Variants in OR6N1 observed in about 807,000 individuals in gnomAD.
OR6N1 encodes olfactory receptor 6N1.
For missense variants in OR6N1, 394 were observed against 371.7 expected (o/e 1.06, Z -0.49); for synonymous variants, 170 against 150.7 (o/e 1.13, Z -0.94).
At chr1:158,817,751 G>T in the OR6N1 span, among the ~76,000 whole-genome samples, 1 of 152,204 alleles carries the variant, frequency 6.6e-6, no homozygotes, top group Non-Finnish European at 1.5e-5. Flanking sequence ...CCCAAGGAAA[G>T]AGGCAGCAAC....
chr1:158,768,471 G>A (rs1657332883), intron 1 of OR6N1, among the ~76,000 whole-genome samples: 1 of 152,216 alleles, frequency 6.6e-6, no homozygotes, highest in East Asian at 1.9e-4. Context: ...TCCAGGAACT[G>A]ACTATGTTTG....
chr1:158,777,483 C>T, the OR6N1 span: 87 of 1,614,006 alleles, frequency 5.4e-5, no homozygotes, highest in Non-Finnish European at 7.1e-5. Context: ...GAGCTGCATC[C>T]AGTCGGATGA....
At chr1:158,831,312 T>G in the OR6N1 span, 1 of 152,206 alleles carries the variant, frequency 6.6e-6, no homozygotes, top group African/African-American at 2.4e-5. Context: ...CAAAATTGTT[T>G]CATGATTACA....
chr1:158,802,308 A>G, the OR6N1 span, among the ~76,000 whole-genome samples: 1 of 149,916 alleles, frequency 6.7e-6, no homozygotes, highest in African/African-American at 2.5e-5. Context: ...TCCAGGTTCA[A>G]GCGATTCTCC....
At chr1:158,829,009 C>T in the OR6N1 span, among the ~76,000 whole-genome samples, 1 of 152,204 alleles carries the variant, frequency 6.6e-6, no homozygotes, top group Non-Finnish European at 1.5e-5. Flanking sequence ...GCTGAAGTGG[C>T]TGGGATGTAG....
intron 1 of OR6N1, among the ~76,000 whole-genome samples, chr1:158,770,848 C>T (rs530246977): frequency 1.3e-5 from 2 of 152,308 alleles, no homozygotes; most frequent in Admixed American, 6.5e-5. Context: ...TGGAAGCTTC[C>T]TGACCCATAA....
At chr1:158,819,635 T>C in the OR6N1 span, among the ~76,000 whole-genome samples, 1 of 152,174 alleles carries the variant, frequency 6.6e-6, no homozygotes, top group Non-Finnish European at 1.5e-5. Context: ...AAAAAAGGTG[T>C]TGCCATACTT....
the OR6N1 span, among the ~76,000 whole-genome samples, chr1:158,839,730 G>C: frequency 6.6e-6 from 1 of 152,260 alleles, no homozygotes; most frequent in South Asian, 2.1e-4. Context: ...AAAACACCTA[G>C]AAGTTTTCCA....
chr1:158,808,954 G>C, the OR6N1 span: 1 of 152,996 alleles, frequency 6.5e-6, no homozygotes. Flanking sequence ...AGTGGAGTGG[G>C]TGGCAGATGA....
At chr1:158,788,715 GT>G in the OR6N1 span, among the ~76,000 whole-genome samples, 2 of 152,022 alleles carry the variant, frequency 1.3e-5, no homozygotes, top group African/African-American at 2.4e-5. Flanking sequence ...CTAGGTTAAT[GT>G]TTACTACAGT....
chr1:158,833,685 A>C, the OR6N1 span, among the ~76,000 whole-genome samples: 1 of 152,326 alleles, frequency 6.6e-6, no homozygotes, highest in African/African-American at 2.4e-5. Context: ...GGGTAGAATA[A>C]TATTCCATTT....
intron 1 of OR6N1, among the ~76,000 whole-genome samples, chr1:158,770,126 T>G (rs1657388026): frequency 6.6e-6 from 1 of 151,878 alleles, no homozygotes; most frequent in African/African-American, 2.4e-5. Context: ...TTAACTAAAT[T>G]TTCAGATCTA....
the OR6N1 span, among the ~76,000 whole-genome samples, chr1:158,819,212 T>C: frequency 6.6e-6 from 1 of 152,188 alleles, no homozygotes; most frequent in Non-Finnish European, 1.5e-5. Flanking sequence ...TTAATGCTAA[T>C]TGGGAACATG....
At chr1:158,813,754 A>G in the OR6N1 span, among the ~76,000 whole-genome samples, 14,501 of 141,068 alleles carry the variant, frequency 0.1, 754 homozygotes, top group East Asian at 0.12. Flanking sequence ...CCAGGCTGGA[A>G]TGCAATGGCA....
At chr1:158,822,758 G>A in the OR6N1 span, among the ~76,000 whole-genome samples, 1 of 152,184 alleles carries the variant, frequency 6.6e-6, no homozygotes, top group Non-Finnish European at 1.5e-5. Flanking sequence ...AAATAGGAGT[G>A]GTGAGAGAGG....
At chr1:158,815,284 T>C in the OR6N1 span, among the ~76,000 whole-genome samples, 2 of 152,150 alleles carry the variant, frequency 1.3e-5, no homozygotes, top group Admixed American at 1.3e-4. Context: ...TGAGTTGTTA[T>C]ATAACTACTT....
upstream of OR6N1, chr1:158,776,643 G>GA (rs1162275361): frequency 1.6e-6 from 2 of 1,236,038 alleles, no homozygotes; most frequent in South Asian, 2.9e-5. Flanking sequence ...GAACTTTTAT[G>GA]AATTGAACAT....
At chr1:158,784,985 A>C in the OR6N1 span, among the ~76,000 whole-genome samples, 249 of 152,292 alleles carry the variant, frequency 1.6e-3, 1 homozygote, top group Non-Finnish European at 2.7e-3. Flanking sequence ...AATCAACCTA[A>C]GTTTCCATCA....
the OR6N1 span, among the ~76,000 whole-genome samples, chr1:158,835,809 G>A: frequency 6.6e-6 from 1 of 151,690 alleles, no homozygotes; most frequent in Non-Finnish European, 1.5e-5. Flanking sequence ...CCTATTCTTC[G>A]TTTACTGAGT....
Sources: gnomAD v4.1 joint callset for allele counts (sites outside exome capture counted in the v4.1 genomes callset) on GRCh38, gnomAD v4.1.1 for gene constraint, MANE v1.5 for transcripts, NCBI Gene and HGNC (gene_info 2026-07-23, HGNC 2026-07-21) for gene names.